MAD1L1: variants seen among roughly 807,000 people sequenced by gnomAD.
The protein encoded by MAD1L1 is mitotic arrest deficient 1 like 1, also known as mitotic spindle assembly checkpoint protein MAD1.
A neutral mutation model predicts 96.9 loss-of-function variants in MAD1L1; 95 were observed. The ratio of observed to expected loss-of-function variants is 0.98; its 90% CI spans 0.83 to 1.16. The LOEUF (loss-of-function observed/expected upper bound fraction) is 1.16. Among genes scored for constraint, MAD1L1 ranks in the 50% most tolerant of loss-of-function variants. The pLI is 0.00. For synonymous variants in MAD1L1, 473 were observed against 396.6 expected (o/e 1.19, Z -2.29); for missense variants, 1,007 against 954.4 (o/e 1.06, Z -0.73).
chr7:1,830,437 CAAG>C (rs1460834716), intron 18 of MAD1L1, among the ~76,000 whole-genome samples: 2 of 152,182 alleles, frequency 1.3e-5, no homozygotes, highest in East Asian at 3.9e-4. Flanking sequence ...TGGGCCTACA[CAAG>C]AAGAAGGAAG....
chr7:2,169,907 CA>C (rs1177277742), intron 10 of MAD1L1, among the ~76,000 whole-genome samples: 1 of 134,144 alleles, frequency 7.5e-6, no homozygotes, highest in Non-Finnish European at 1.7e-5. Context: ...ACTGAGAGCA[CA>C]AAGGCCCACC....
At chr7:1,961,517 G>A (rs1195352584) in intron 15 of MAD1L1, among the ~76,000 whole-genome samples, 1 of 152,202 alleles carries the variant, frequency 6.6e-6, no homozygotes, top group East Asian at 1.9e-4. Context: ...TGGAACAACT[G>A]GGTGTTCTTG....
chr7:2,163,883 G>T (rs1040171476), intron 10 of MAD1L1, among the ~76,000 whole-genome samples: 1 of 152,088 alleles, frequency 6.6e-6, no homozygotes, highest in Non-Finnish European at 1.5e-5. Flanking sequence ...AAACGTGCAT[G>T]TAAATAGTCT....
intron 17 of MAD1L1, among the ~76,000 whole-genome samples, chr7:1,928,176 G>A (rs1349517275): frequency 6.7e-6 from 1 of 149,190 alleles, no homozygotes; most frequent in African/African-American, 2.5e-5. Flanking sequence ...CGCCACGCCT[G>A]AGACTGTTCC....
At chr7:2,117,532 C>A (rs1336429967) in intron 11 of MAD1L1, among the ~76,000 whole-genome samples, 4 of 152,196 alleles carry the variant, frequency 2.6e-5, no homozygotes, top group Admixed American at 6.5e-5. Flanking sequence ...GGGGCAGTTA[C>A]CCCCATACTG....
At chr7:1,818,354 G>A (rs1014776141) in intron 18 of MAD1L1, among the ~76,000 whole-genome samples, 6 of 152,098 alleles carry the variant, frequency 3.9e-5, no homozygotes, top group Non-Finnish European at 7.4e-5. Context: ...CTCAGAGGCT[G>A]GCAGGCTTTG....
intron 12 of MAD1L1, among the ~76,000 whole-genome samples, chr7:2,049,684 C>T (rs1034925075): frequency 4.6e-5 from 7 of 152,320 alleles, no homozygotes; most frequent in Admixed American, 1.3e-4. Context: ...CACTGCCTGG[C>T]GTGGGTGGCC....
intron 14 of MAD1L1, among the ~76,000 whole-genome samples, chr7:1,993,182 C>T (rs965495331): frequency 2.0e-5 from 3 of 152,184 alleles, no homozygotes; most frequent in African/African-American, 4.8e-5. Flanking sequence ...CAAAAGATGC[C>T]CCCATGGGTC....
intron 12 of MAD1L1, among the ~76,000 whole-genome samples, chr7:2,068,280 T>A (rs1399541962): frequency 6.6e-6 from 1 of 152,196 alleles, no homozygotes; most frequent in Non-Finnish European, 1.5e-5. Context: ...AACTTTTCCT[T>A]TAGGAGACAG....
At position 2,014,670 on chromosome 7, in the gene MAD1L1, G is replaced by A. The variant is rs1782454593; in HGVS notation, c.1219-28C>T. 3 of 1,581,938 alleles carry A rather than the reference G, an allele frequency of 1.9e-6. No individual in the cohort carries two copies. The East Asian group carries it at 6.8e-5, about 36-fold the overall frequency. On this transcript the variant is annotated intron_variant, in intron 12 of 18. Transcript: ENST00000265854. ...GTGGACACAGAGGGCAGCTGATCAG[G>A]ACCCGGGACGGGGGATGAGGTAATG...
intron 17 of MAD1L1, among the ~76,000 whole-genome samples, chr7:1,914,275 A>G (rs1788228832): frequency 6.6e-6 from 1 of 152,224 alleles, no homozygotes; most frequent in Admixed American, 6.5e-5. Context: ...GCCTGGGCCC[A>G]GGACCGCACG....
At chr7:1,845,066 G>A (rs1054450569) in intron 18 of MAD1L1, among the ~76,000 whole-genome samples, 1 of 152,252 alleles carries the variant, frequency 6.6e-6, no homozygotes, top group African/African-American at 2.4e-5. Flanking sequence ...TGGCGGGCGC[G>A]GGAGGCAGGC....
At chr7:2,159,573 T>C (rs1790002942) in intron 10 of MAD1L1, among the ~76,000 whole-genome samples, 1 of 152,216 alleles carries the variant, frequency 6.6e-6, no homozygotes, top group South Asian at 2.1e-4. Flanking sequence ...TGGGACTGTT[T>C]TTTATTTTGT....
rs146331067 is a variant in MAD1L1 at position 1,825,033 on chromosome 7, C to G, written c.1999-8805G>C. 4.6e-5 allele frequency among the ~76,000 whole-genome samples: 7 copies of G among 152,208 alleles called. No individual in the cohort carries two copies. The South Asian group carries it at 8.3e-4, about 18-fold the overall frequency. On this transcript the variant is annotated intron_variant, in intron 18 of 18. Coordinates refer to ENST00000265854, the MANE Select transcript of MAD1L1 (RefSeq NM_001013836.2). Reference sequence around the variant, plus strand: ...ATCAAAATGTTAATGGCGGTTAACTCGGAGTGCTGGGACGGAAAGTGACTC... The same window carrying G: ...ATCAAAATGTTAATGGCGGTTAACTGGGAGTGCTGGGACGGAAAGTGACTC...
intron 15 of MAD1L1, among the ~76,000 whole-genome samples, chr7:1,977,943 G>A (rs913469033): frequency 6.6e-6 from 1 of 152,222 alleles, no homozygotes; most frequent in Non-Finnish European, 1.5e-5. Context: ...CACCTCCCAC[G>A]TGGCTCCTGG....
At chr7:2,210,085 A>T (rs1485838455) in intron 10 of MAD1L1, 1 of 152,130 alleles carries the variant, frequency 6.6e-6, no homozygotes, top group Non-Finnish European at 1.5e-5. Flanking sequence ...CCAGAAATCC[A>T]CTTTGGTTTT....
chr7:2,196,891 C>T (rs972032381), intron 10 of MAD1L1, among the ~76,000 whole-genome samples: 27 of 152,218 alleles, frequency 1.8e-4, no homozygotes, highest in African/African-American at 6.3e-4. Context: ...CCCACCCTCC[C>T]CACACTTCGG....
At chr7:2,015,945 G>A (rs1187470870) in intron 12 of MAD1L1, among the ~76,000 whole-genome samples, 3 of 152,234 alleles carry the variant, frequency 2.0e-5, no homozygotes, top group Non-Finnish European at 4.4e-5. Context: ...GGAGGATGAG[G>A]ATGCTGGGGT....
chr7:1,882,411 C>A (rs903824885), intron 18 of MAD1L1, among the ~76,000 whole-genome samples: 2 of 152,024 alleles, frequency 1.3e-5, no homozygotes, highest in Non-Finnish European at 2.9e-5. Context: ...GACCTCATTG[C>A]TCCAGCGGGA....
Sources: gnomAD v4.1 joint callset for allele counts (sites outside exome capture counted in the v4.1 genomes callset) on GRCh38, gnomAD v4.1.1 for gene constraint, MANE v1.5 for transcripts, NCBI Gene and HGNC (gene_info 2026-07-23, HGNC 2026-07-21) for gene names.